Variants in TRPC7 observed in about 807,000 individuals in gnomAD.
TRPC7 encodes the protein short transient receptor potential channel 7.
A neutral mutation model predicts 90.1 loss-of-function variants in TRPC7; 42 were observed. That is an observed-to-expected ratio of 0.47 (90% CI 0.36 to 0.60). The LOEUF (loss-of-function observed/expected upper bound fraction) is 0.60, where lower values mean the gene tolerates loss of function less well. Among genes scored for constraint, TRPC7 ranks in the 20% least tolerant of loss-of-function variants. The pLI, the probability that TRPC7 is intolerant of heterozygous loss-of-function variation, is 0.00. For synonymous variants in TRPC7, 451 were observed against 436.3 expected (o/e 1.03, Z -0.42); for missense variants, 955 against 1,112.3 (o/e 0.86, Z 2.01).
At chr5:136,362,694 A>C (rs1760606501) in intron 1 of TRPC7, among the ~76,000 whole-genome samples, 1 of 152,106 alleles carries the variant, frequency 6.6e-6, no homozygotes, top group Non-Finnish European at 1.5e-5. Context: ...TCTGCTTTGA[A>C]AGTTTGTGCT....
chr5:136,350,756 C>T (rs1016225797), intron 2 of TRPC7, among the ~76,000 whole-genome samples: 2 of 152,218 alleles, frequency 1.3e-5, no homozygotes, highest in Non-Finnish European at 2.9e-5. Flanking sequence ...TACATTTCAC[C>T]TGTGTATGCT....
At chr5:136,264,669 C>G (rs571374768) in intron 5 of TRPC7, among the ~76,000 whole-genome samples, 1 of 151,644 alleles carries the variant, frequency 6.6e-6, no homozygotes, top group Non-Finnish European at 1.5e-5. Flanking sequence ...GTCCGCTCAT[C>G]GAAACCTCTG....
At chr5:136,337,827 G>T (rs531019913) in intron 2 of TRPC7, among the ~76,000 whole-genome samples, 1 of 152,084 alleles carries the variant, frequency 6.6e-6, no homozygotes, top group Non-Finnish European at 1.5e-5. Context: ...CCAGCATTCC[G>T]AAATGAGATG....
intron 3 of TRPC7, among the ~76,000 whole-genome samples, chr5:136,309,472 A>G (rs1561713257): frequency 6.6e-6 from 1 of 152,174 alleles, no homozygotes; most frequent in African/African-American, 2.4e-5. Flanking sequence ...GAAGCTATCA[A>G]TACGAATTCC....
chr5:136,261,284 G>T (rs1224972090), intron 5 of TRPC7, among the ~76,000 whole-genome samples: 1 of 152,132 alleles, frequency 6.6e-6, no homozygotes, highest in Non-Finnish European at 1.5e-5. Context: ...ACCTGACACG[G>T]TGCCTGATGT....
chr5:136,302,202 A>AGG (rs1758420696), intron 3 of TRPC7, among the ~76,000 whole-genome samples: 1 of 152,208 alleles, frequency 6.6e-6, no homozygotes, highest in Admixed American at 6.5e-5. Flanking sequence ...TAATCATTGC[A>AGG]GGGACACCTC....
chr5:136,332,081 C>G (rs1168756709), intron 2 of TRPC7, among the ~76,000 whole-genome samples: 2 of 152,050 alleles, frequency 1.3e-5, no homozygotes, highest in African/African-American at 2.4e-5. Context: ...AGATGTGAAC[C>G]AGGAACTCCC....
At chr5:136,243,509 C>A (rs1756234750) in intron 7 of TRPC7, among the ~76,000 whole-genome samples, 1 of 151,870 alleles carries the variant, frequency 6.6e-6, no homozygotes, top group African/African-American at 2.4e-5. Context: ...GTGGGTGGGT[C>A]AAAGGGAAGA....
chr5:136,352,067 T>C (rs1355028806), intron 2 of TRPC7, among the ~76,000 whole-genome samples: 3 of 152,200 alleles, frequency 2.0e-5, no homozygotes, highest in Admixed American at 6.5e-5. Context: ...TAGTTGTAGC[T>C]TTGTTATTCT....
In TRPC7 at chr5:136,293,945, A is replaced by G. The variant is rs190707317; in HGVS notation, c.964-19108T>C. On this transcript the variant is annotated intron_variant, in intron 3 of 11. Coordinates refer to ENST00000513104, the MANE Select transcript of TRPC7 (RefSeq NM_020389.3). ...ATGATACTAGTACCAAAACAGAGAT[A>G]TAGACCAATGGAACAGAACAGAGCC... Among the ~76,000 whole-genome samples, 480 of 152,308 alleles carry G rather than the reference A, an allele frequency of 3.2e-3. 3 individuals are homozygous for G. Among genetic ancestry groups the G allele is most frequent in the African/African-American group, 0.011 (462 of 41,564 alleles).
Position 136,247,753 on chromosome 5 carries a change from G to A in TRPC7, c.1580-18C>T. 1.2e-6 allele frequency: 2 copies of A among 1,605,976 alleles called. No individual in the cohort carries two copies. Among genetic ancestry groups the A allele is most frequent in the South Asian group, 2.2e-5 (2 of 90,196 alleles). On this transcript the variant is annotated intron_variant, in intron 6 of 11. Coordinates refer to ENST00000513104, the MANE Select transcript of TRPC7 (RefSeq NM_020389.3). The surrounding 1 kb of genome is among the most constrained non-coding windows in gnomAD (Gnocchi z 4.2). ...GTCCCTGGCTAAAAGAAAACAATCT[G>A]GGTTACTCACGAGGCCACAGGATCT...
chr5:136,337,998 C>T (rs1001144941), intron 2 of TRPC7, among the ~76,000 whole-genome samples: 2 of 152,140 alleles, frequency 1.3e-5, no homozygotes, highest in African/African-American at 4.8e-5. Context: ...CAGGTCCAAA[C>T]AACTGCATTG....
intron 4 of TRPC7, among the ~76,000 whole-genome samples, chr5:136,272,702 G>A (rs1757244879): frequency 1.3e-5 from 2 of 152,020 alleles, no homozygotes; most frequent in Admixed American, 1.3e-4. Context: ...ACTTCTGGGG[G>A]CACCAAATGT....
chr5:136,274,797 A>G lies in TRPC7; in HGVS notation c.1004T>C (p.Met335Thr). 1.3e-6 allele frequency: 2 copies of G among 1,587,756 alleles called. No individual in the cohort carries two copies. The highest frequency in any genetic ancestry group is 1.7e-6 in the Non-Finnish European group (2 of 1,166,626). Reference protein sequence around the residue: ...HPNCQQQLLTMWYENLSGLRQ... With the variant: ...HPNCQQQLLTTWYENLSGLRQ... ...TAAGCCTGAGAGATTTTCATACCACATGGTAAGCAATTGCTGCTGACAGTT... is the reference window on the plus strand; with the variant it reads ...TAAGCCTGAGAGATTTTCATACCACGTGGTAAGCAATTGCTGCTGACAGTT... Residue 335 changes from methionine (M) to threonine (T), a missense_variant, in exon 4 of 12, where the codon ATG becomes ACG. By Grantham distance (81) the Met-to-Thr change is moderately conservative. Transcript: ENST00000513104.
chr5:136,231,055 T>G (rs1289576719), intron 8 of TRPC7, among the ~76,000 whole-genome samples: 1 of 152,152 alleles, frequency 6.6e-6, no homozygotes. Context: ...GTCATTCTGA[T>G]TGATTGCCAT....
chr5:136,213,676 G>GCCCA, intron 11 of TRPC7, 72 bp from the exon 12 acceptor site: 8 of 1,488,652 alleles, frequency 5.4e-6, no homozygotes, highest in Non-Finnish European at 7.4e-6. Context: ...GCACATGTGG[G>GCCCA]CATGTGCATC....
At chr5:136,327,552 T>C (rs116122092) in intron 2 of TRPC7, among the ~76,000 whole-genome samples, 113 of 152,118 alleles carry the variant, frequency 7.4e-4, no homozygotes, top group African/African-American at 2.6e-3. Context: ...TAGCATGAAA[T>C]AGGAGAGCAT....
intron 2 of TRPC7, among the ~76,000 whole-genome samples, chr5:136,346,613 G>C (rs551417843): frequency 6.6e-6 from 1 of 152,080 alleles, no homozygotes; most frequent in Non-Finnish European, 1.5e-5. Context: ...TCACTGGCTT[G>C]GTTTGTGCTT....
chr5:136,274,647 C>A, intron 4 of TRPC7, 26 bp downstream of exon 4: 6 of 1,568,642 alleles, frequency 3.8e-6, no homozygotes, highest in Non-Finnish European at 4.3e-6. Flanking sequence ...TAACCGCAAA[C>A]GACATGCACC....
Sources: allele counts gnomAD v4.1 joint callset (sites outside exome capture counted in the v4.1 genomes callset), GRCh38; gene constraint gnomAD v4.1.1; non-coding constraint Gnocchi (gnomAD v3.1); transcripts MANE v1.5; gene names NCBI Gene and HGNC (gene_info 2026-07-23, HGNC 2026-07-21).